MTFMT: variants seen among roughly 807,000 people sequenced by gnomAD.
MTFMT encodes mitochondrial methionyl-tRNA formyltransferase.
A neutral mutation model predicts 51.8 loss-of-function variants in MTFMT; 47 were observed. The observed-to-expected ratio is 0.91, with a 90% confidence interval of 0.72 to 1.16. The LOEUF (loss-of-function observed/expected upper bound fraction) is 1.16. Among genes scored for constraint, MTFMT ranks in the 50% most tolerant of loss-of-function variants. The pLI is 0.00. For missense variants in MTFMT, 512 were observed against 482.3 expected (o/e 1.06, Z -0.58); for synonymous variants, 196 against 176.7 (o/e 1.11, Z -0.87).
intron 1 of MTFMT, among the ~76,000 whole-genome samples, chr15:65,028,003 CA>C (rs2086441839): frequency 6.6e-6 from 1 of 152,268 alleles, no homozygotes; most frequent in Admixed American, 6.5e-5. Context: ...TTCTAGTACC[CA>C]GGGGGGTACA....
intron 3 of MTFMT, among the ~76,000 whole-genome samples, chr15:65,022,000 G>A (rs2086377585): frequency 1.3e-5 from 2 of 152,146 alleles, no homozygotes; most frequent in South Asian, 4.1e-4. Context: ...TACAATTACA[G>A]AAAAATTATA....
At chr15:65,012,368 T>C (rs954905098) in intron 6 of MTFMT, among the ~76,000 whole-genome samples, 2 of 151,870 alleles carry the variant, frequency 1.3e-5, no homozygotes, top group East Asian at 1.9e-4. Context: ...AAAAAATCAA[T>C]TGACCATAAA....
chr15:65,018,130 A>G (rs1340296462), intron 5 of MTFMT, among the ~76,000 whole-genome samples: 1 of 152,042 alleles, frequency 6.6e-6, no homozygotes, highest in African/African-American at 2.4e-5. Flanking sequence ...AAAAAATAAA[A>G]TTTAATCATA....
intron 5 of MTFMT, among the ~76,000 whole-genome samples, chr15:65,019,218 A>C (rs1262934397): frequency 1.3e-5 from 2 of 152,198 alleles, no homozygotes; most frequent in Non-Finnish European, 2.9e-5. Context: ...AAGTGATCAA[A>C]CTTAGCTTCA....
At chr15:65,021,465 G>C in intron 4 of MTFMT, 49 bp downstream of exon 4, 1 of 1,365,430 alleles carries the variant, frequency 7.3e-7, no homozygotes, top group Non-Finnish European at 1.0e-6. Context: ...TAACCACTTA[G>C]GAAACCCACT....
At position 65,006,146 on chromosome 15, in the gene MTFMT, C is replaced by T. The variant is rs2086217881; in HGVS notation, c.859G>A (p.Asp287Asn). 1 of 1,612,784 alleles carries T rather than the reference C, an allele frequency of 6.2e-7. No individual in the cohort carries two copies. Among genetic ancestry groups the T allele is most frequent in the Admixed American group, 1.7e-5 (1 of 59,960 alleles). Reference sequence around the variant, plus strand: ...ACTGAACTGTTAACTTCTACCAAATCCAGAAGTTTAATGGTATTCGCCATC... The same window carrying T: ...ACTGAACTGTTAACTTCTACCAAATTCAGAAGTTTAATGGTATTCGCCATC... ...LWMANTIKLL[D>N]LVEVNSSVLA... Residue 287 changes from aspartate (D) to asparagine (N), a missense_variant, in exon 7 of 9, where the codon GAT (aspartate) becomes AAT (asparagine). Coordinates refer to ENST00000220058, the MANE Select transcript of MTFMT (RefSeq NM_139242.4).
chr15:65,004,173 C>T (rs189800990), intron 8 of MTFMT, among the ~76,000 whole-genome samples: 4 of 152,054 alleles, frequency 2.6e-5, no homozygotes, highest in Admixed American at 6.5e-5. Flanking sequence ...TCTGCCACCA[C>T]GCTCGACTAA....
intron 2 of MTFMT, among the ~76,000 whole-genome samples, chr15:65,024,768 A>G (rs1375978934): frequency 6.6e-6 from 1 of 152,182 alleles, no homozygotes. Flanking sequence ...AAATATGTAC[A>G]AGGTTTGCCA....
chr15:65,024,612 C>T lies in MTFMT; in HGVS notation c.420-818G>A, dbSNP rs72729005. Among the ~76,000 whole-genome samples the T allele has an allele frequency of 8.6e-3, 1,299 of 151,864 alleles. 7 individuals carry two copies. The highest frequency in any genetic ancestry group is 0.012 in the Non-Finnish European group (838 of 67,962). On this transcript the variant is annotated intron_variant, in intron 2 of 8. Transcript: ENST00000220058. ...CTCCCAAGCTCAGGAGATCCTCAGC[C>T]CAATCCAACATTCACTGAGCGCACT...
At position 65,001,688 on chromosome 15, in the gene MTFMT, C is replaced by A. The variant is rs988262396; in HGVS notation, c.*1374G>T. 2 of 151,954 alleles carry A rather than the reference C, an allele frequency of 1.3e-5. No homozygotes were observed. The highest frequency in any genetic ancestry group is 2.9e-5 in the Non-Finnish European group (2 of 68,018). 9.4% of individuals were successfully genotyped at this position (151,954 alleles called of 1,614,324 possible). A position where few individuals can be genotyped will look rare whatever the true frequency, so the allele number is the denominator to read the frequency against. ...ACCAGCCTAAGCAACATAGTGAGACCCCTATCTCTACAAAATTTTTTTTAA... is the reference window on the plus strand; with the variant it reads ...ACCAGCCTAAGCAACATAGTGAGACACCTATCTCTACAAAATTTTTTTTAA... On this transcript the variant is annotated 3_prime_UTR_variant, in exon 9 of 9. Transcript: ENST00000220058.
chr15:65,010,608 T>C (rs887654239), intron 6 of MTFMT, among the ~76,000 whole-genome samples: 2 of 152,164 alleles, frequency 1.3e-5, no homozygotes, highest in Admixed American at 6.5e-5. Flanking sequence ...CATCCCTCAG[T>C]TGGATATTTG....
rs554172776 is a variant in MTFMT, at chr15:65,023,843, C to T, written c.420-49G>A. On this transcript the variant is annotated intron_variant, in intron 2 of 8. Transcript: ENST00000220058. ...AGTATGTCAGTGGGCTTTACCACTT[C>T]GTTACCACTACCTAAGCTATTATGC... The T allele has an allele frequency of 1.1e-4, 174 of 1,513,364 alleles. No individual in the cohort carries two copies. In the Admixed American group the frequency reaches 2.2e-3, roughly 19 times the overall value. The allele number at this position is 1,513,364 out of a possible 1,614,324, so 93.7% of individuals were successfully genotyped here.
At chr15:65,021,678 T>C (rs1049011103) in intron 3 of MTFMT, 62 bp from the exon 4 acceptor site, 1 of 1,314,776 alleles carries the variant, frequency 7.6e-7, no homozygotes, top group African/African-American at 1.4e-5. Flanking sequence ...AATGTTTGTC[T>C]ACACACAAAA....
chr15:65,027,549 A>G (rs2086436524), intron 1 of MTFMT, among the ~76,000 whole-genome samples: 1 of 152,174 alleles, frequency 6.6e-6, no homozygotes, highest in African/African-American at 2.4e-5. Flanking sequence ...AAAGAGTGAC[A>G]CGTGGCTAGT....
intron 1 of MTFMT, among the ~76,000 whole-genome samples, chr15:65,027,959 G>A (rs1257649702): frequency 3.9e-5 from 6 of 152,194 alleles, no homozygotes; most frequent in African/African-American, 1.4e-4. Flanking sequence ...AGTACCTGTA[G>A]CACTACCTCA....
At chr15:65,009,924 T>C (rs1024600270) in intron 6 of MTFMT, among the ~76,000 whole-genome samples, 1 of 151,986 alleles carries the variant, frequency 6.6e-6, no homozygotes, top group Non-Finnish European at 1.5e-5. Context: ...AAAGTGCTGG[T>C]ATTACAGGTG....
chr15:65,014,773 G>A (rs113108644), intron 6 of MTFMT, among the ~76,000 whole-genome samples: 4,176 of 151,154 alleles, frequency 0.028, 106 homozygotes, highest in South Asian at 0.13. Flanking sequence ...GATTACAGGC[G>A]CATGCCACCA....
chr15:65,004,770 G>T, intron 8 of MTFMT, 84 bp downstream of exon 8: 1 of 827,076 alleles, frequency 1.2e-6, no homozygotes, highest in Non-Finnish European at 1.8e-6. Context: ...GCAGTTAAGT[G>T]AAGTTCCAAC....
rs186662675 is a variant in MTFMT at position 65,024,047 on chromosome 15, C to A, written c.420-253G>T. Among the ~76,000 whole-genome samples the A allele has an allele frequency of 9.8e-5, 15 of 152,332 alleles. No individual in the cohort carries two copies. In the East Asian group the frequency reaches 2.9e-3, roughly 29 times the overall value. The stretch of plus-strand genomic sequence containing the variant: ...ATTTGCTGTTCTAAAGATGTTCTGT[C>A]TGGGTGTGGTGGCTCATGCCTGTAA... On this transcript the variant is annotated intron_variant, in intron 2 of 8. Coordinates refer to ENST00000220058, the MANE Select transcript of MTFMT (RefSeq NM_139242.4).
Sources: allele counts gnomAD v4.1 joint callset (sites outside exome capture counted in the v4.1 genomes callset), GRCh38; gene constraint gnomAD v4.1.1; transcripts MANE v1.5; gene names NCBI Gene and HGNC (gene_info 2026-07-23, HGNC 2026-07-21).